Variants in GPC5 observed in about 807,000 individuals in gnomAD.
GPC5 encodes the protein glypican-5.
In GPC5, 47 loss-of-function variants were observed where a neutral mutation model predicts 53.9. The observed-to-expected ratio is 0.87, with a 90% CI of 0.69 to 1.11. The LOEUF is 1.11. Among genes scored for constraint, GPC5 ranks in the 50% most tolerant of loss-of-function variants. The probability of loss-of-function intolerance (pLI) is 0.00; values close to 1 mark genes in which losing one functional copy is unlikely to be tolerated. For missense variants in GPC5, 748 were observed against 713.1 expected (o/e 1.05, Z -0.56); for synonymous variants, 286 against 263.3 (o/e 1.09, Z -0.84).
chr13:91,914,286 A>C (rs2039637976), intron 6 of GPC5, among the ~76,000 whole-genome samples: 1 of 152,204 alleles, frequency 6.6e-6, no homozygotes, highest in Non-Finnish European at 1.5e-5. Context: ...ATATCACAGC[A>C]ATTTTCTGGA....
intron 2 of GPC5, among the ~76,000 whole-genome samples, chr13:91,671,770 C>T (rs1050744172): frequency 1.9e-5 from 1 of 53,556 alleles, no homozygotes; most frequent in Non-Finnish European, 3.3e-5. Context: ...ATAGCCAAGA[C>T]AATCTGAAGC....
intron 7 of GPC5, among the ~76,000 whole-genome samples, chr13:92,235,881 A>G (rs1032884210): frequency 6.6e-6 from 1 of 151,966 alleles, no homozygotes; most frequent in South Asian, 2.1e-4. Flanking sequence ...TAGCCACTGT[A>G]TTTTTAGTTG....
At chr13:92,161,989 A>ATATATG (rs1555315547) in intron 7 of GPC5, among the ~76,000 whole-genome samples, 5 of 121,590 alleles carry the variant, frequency 4.1e-5, no homozygotes, top group Admixed American at 8.9e-5. Context: ...ATATATATAT[A>ATATATG]TATATATGAA....
intron 6 of GPC5, among the ~76,000 whole-genome samples, chr13:92,015,426 A>T (rs2040698004): frequency 2.0e-5 from 3 of 152,172 alleles, no homozygotes; most frequent in South Asian, 4.1e-4. Flanking sequence ...CAAATGAAAC[A>T]TGCTACTGCA....
intron 1 of GPC5, among the ~76,000 whole-genome samples, chr13:91,440,028 G>C (rs1370880731): frequency 6.6e-6 from 1 of 151,826 alleles, no homozygotes; most frequent in Non-Finnish European, 1.5e-5. Flanking sequence ...TTTTTTCTTA[G>C]ATTTTTATTA....
intron 7 of GPC5, among the ~76,000 whole-genome samples, chr13:92,759,706 C>A (rs555171619): frequency 2.0e-5 from 3 of 151,928 alleles, no homozygotes; most frequent in East Asian, 3.9e-4. Flanking sequence ...TCTTTTATTT[C>A]TTTTTCTTGT....
At chr13:91,820,061 T>A (rs1392266806) in intron 5 of GPC5, among the ~76,000 whole-genome samples, 1 of 152,196 alleles carries the variant, frequency 6.6e-6, no homozygotes, top group Non-Finnish European at 1.5e-5. Flanking sequence ...TGTAGTCCTG[T>A]CTTTATCTTA....
intron 7 of GPC5, among the ~76,000 whole-genome samples, chr13:92,410,047 T>C (rs1594177828): frequency 6.6e-6 from 1 of 152,214 alleles, no homozygotes; most frequent in Non-Finnish European, 1.5e-5. Flanking sequence ...TTTCATATTA[T>C]TTGATATATC....
intron 2 of GPC5, among the ~76,000 whole-genome samples, chr13:91,672,555 G>A (rs985725239): frequency 6.6e-6 from 1 of 152,164 alleles, no homozygotes; most frequent in Non-Finnish European, 1.5e-5. Flanking sequence ...TCTGTAGTCA[G>A]AATGATGATT....
intron 7 of GPC5, among the ~76,000 whole-genome samples, chr13:92,593,504 T>G (rs2139070674): frequency 6.6e-6 from 1 of 151,208 alleles, no homozygotes; most frequent in Admixed American, 6.6e-5. Flanking sequence ...GACAAAACAA[T>G]CAAGAGCTCA....
At chr13:92,249,983 G>A (rs2042680744) in intron 7 of GPC5, among the ~76,000 whole-genome samples, 1 of 151,616 alleles carries the variant, frequency 6.6e-6, no homozygotes, top group Admixed American at 6.6e-5. Context: ...TTAAACAAGT[G>A]ATCAATATAA....
intron 7 of GPC5, among the ~76,000 whole-genome samples, chr13:92,675,998 T>C (rs536811617): frequency 3.3e-5 from 5 of 152,182 alleles, no homozygotes. Context: ...GTCCTCATCT[T>C]AAAAGTAAAT....
At chr13:91,533,063 G>A (rs1886424512) in intron 2 of GPC5, among the ~76,000 whole-genome samples, 1 of 152,176 alleles carries the variant, frequency 6.6e-6, no homozygotes, top group African/African-American at 2.4e-5. Flanking sequence ...AAGAACTTTT[G>A]AGAATCTGAA....
intron 7 of GPC5, among the ~76,000 whole-genome samples, chr13:92,303,708 C>T (rs2043091064): frequency 6.6e-6 from 1 of 152,140 alleles, no homozygotes; most frequent in African/African-American, 2.4e-5. Context: ...TTACCAAGGT[C>T]ATAATGCATA....
intron 6 of GPC5, among the ~76,000 whole-genome samples, chr13:92,130,452 A>C (rs2041734296): frequency 6.6e-6 from 1 of 152,098 alleles, no homozygotes; most frequent in Non-Finnish European, 1.5e-5. Context: ...ACACACACAC[A>C]CAATTCCAAC....
At chr13:92,302,180 T>C (rs747290247) in intron 7 of GPC5, among the ~76,000 whole-genome samples, 21 of 152,152 alleles carry the variant, frequency 1.4e-4, no homozygotes, top group Non-Finnish European at 2.5e-4. Flanking sequence ...GCAAGTGCAA[T>C]GTTGATTCTG....
At chr13:91,974,000 C>G (rs183052464) in intron 6 of GPC5, among the ~76,000 whole-genome samples, 1 of 152,202 alleles carries the variant, frequency 6.6e-6, no homozygotes, top group African/African-American at 2.4e-5. Context: ...AACCACTACT[C>G]TCTTCAAAGT....
intron 6 of GPC5, among the ~76,000 whole-genome samples, chr13:91,935,568 A>G (rs1450101123): frequency 6.6e-6 from 1 of 151,974 alleles, no homozygotes; most frequent in African/African-American, 2.4e-5. Context: ...GTGGTTTATC[A>G]GGCATCTAGA....
chr13:91,812,300 T>G (rs750163622), intron 5 of GPC5, among the ~76,000 whole-genome samples: 12 of 152,212 alleles, frequency 7.9e-5, no homozygotes, highest in Non-Finnish European at 1.8e-4. Flanking sequence ...TATATTTATG[T>G]GCCTGTTTTT....
Sources: gnomAD v4.1 joint callset for allele counts (sites outside exome capture counted in the v4.1 genomes callset) on GRCh38, gnomAD v4.1.1 for gene constraint, MANE v1.5 for transcripts, NCBI Gene and HGNC (gene_info 2026-07-23, HGNC 2026-07-21) for gene names.